The following ACBD6 variants were observed in gnomAD, a reference collection of about 807,000 sequenced individuals.
ACBD6 encodes the protein acyl-CoA binding domain containing 6, also known as acyl-CoA-binding domain-containing protein 6.
A neutral mutation model predicts 37.2 loss-of-function variants in ACBD6; 28 were observed. The ratio of observed to expected loss-of-function variants is 0.75; its 90% CI spans 0.56 to 1.03. The LOEUF (loss-of-function observed/expected upper bound fraction) is 1.03. Among genes scored for constraint, ACBD6 ranks in the 50% least tolerant of loss-of-function variants. The probability of loss-of-function intolerance (pLI) is 0.00; values close to 1 mark genes in which losing one functional copy is unlikely to be tolerated. For missense variants in ACBD6, 340 were observed against 337.4 expected (o/e 1.01, Z -0.06); for synonymous variants, 113 against 126.8 (o/e 0.89, Z 0.73).
chr1:180,405,616 T>C (rs1290884443), intron 5 of ACBD6, among the ~76,000 whole-genome samples: 1 of 152,196 alleles, frequency 6.6e-6, no homozygotes, highest in Non-Finnish European at 1.5e-5. Flanking sequence ...ACATTTAAAT[T>C]ACTTCAAAGA....
At chr1:180,475,030 T>G (rs1316618458) in intron 3 of ACBD6, among the ~76,000 whole-genome samples, 1 of 152,196 alleles carries the variant, frequency 6.6e-6, no homozygotes, top group East Asian at 1.9e-4. Flanking sequence ...TGAATAAATA[T>G]GAAATCAACA....
intron 7 of ACBD6, among the ~76,000 whole-genome samples, chr1:180,292,426 C>T (rs956343431): frequency 1.3e-5 from 2 of 152,092 alleles, no homozygotes; most frequent in Non-Finnish European, 2.9e-5. Flanking sequence ...TTTGAGGCTA[C>T]TGCAAATAAT....
In ACBD6 at chr1:180,288,359, T is replaced by C. The variant is rs757070599; in HGVS notation, c.*4A>G. On this transcript the variant is annotated 3_prime_UTR_variant, in exon 8 of 8. Transcript: ENST00000367595. Reference sequence around the variant, plus strand: ...TTACAGACTGCAGTTTTCCAGTCTTTTGATTAAGCCTTGCCAGTTGTGTGC... The same window carrying C: ...TTACAGACTGCAGTTTTCCAGTCTTCTGATTAAGCCTTGCCAGTTGTGTGC... 4 of 1,613,724 alleles carry C rather than the reference T, an allele frequency of 2.5e-6. No homozygotes were observed. In the East Asian group the frequency reaches 8.9e-5, roughly 36 times the overall value.
chr1:180,374,529 A>T (rs12403665), intron 6 of ACBD6, among the ~76,000 whole-genome samples: 1 of 152,138 alleles, frequency 6.6e-6, no homozygotes, highest in Non-Finnish European at 1.5e-5. Flanking sequence ...CAGAAAAAGA[A>T]GATCAACTGA....
chr1:180,273,167 T>C (rs962455736), intron 12 of ACBD6: 1 of 152,126 alleles, frequency 6.6e-6, no homozygotes. Context: ...CAGGTGGAAA[T>C]AGAAAAGGAA....
At chr1:180,446,700 T>C (rs1254732081) in intron 3 of ACBD6, among the ~76,000 whole-genome samples, 1 of 152,152 alleles carries the variant, frequency 6.6e-6, no homozygotes, top group African/African-American at 2.4e-5. Context: ...CTCTTAAAAT[T>C]ACAAACACAC....
At position 180,288,522 on chromosome 1, in the gene ACBD6, A is replaced by T; in HGVS notation, c.695-5T>A. 6.2e-7 allele frequency: 1 copy of T among 1,611,874 alleles called. No homozygotes were observed. Among genetic ancestry groups the T allele is most frequent in the Non-Finnish European group, 8.5e-7 (1 of 1,179,012 alleles). On this transcript the variant is annotated splice_region_variant and splice_polypyrimidine_tract_variant and intron_variant, in intron 7 of 7. Coordinates refer to ENST00000367595, the MANE Select transcript of ACBD6 (RefSeq NM_032360.4). ...CCAGAAACTCACAGGCAGAGGCTGAAAGGAAAATTGACAAATATGAAAACA... is the reference window on the plus strand; with the variant it reads ...CCAGAAACTCACAGGCAGAGGCTGATAGGAAAATTGACAAATATGAAAACA...
intron 3 of ACBD6, among the ~76,000 whole-genome samples, chr1:180,452,700 C>A (rs199654078): frequency 2.6e-5 from 4 of 152,088 alleles, no homozygotes; most frequent in Non-Finnish European, 4.4e-5. Context: ...AGAGAAGATT[C>A]AATAGACACA....
intron 8 of ACBD6, among the ~76,000 whole-genome samples, chr1:180,282,227 T>A (rs10913959): frequency 0.04 from 6,161 of 152,188 alleles, 403 homozygotes; most frequent in East Asian, 0.29. Flanking sequence ...GAGGCTTTTT[T>A]AAAAAAATTA....
At chr1:180,441,972 G>A (rs1649298143) in intron 3 of ACBD6, among the ~76,000 whole-genome samples, 5 of 151,924 alleles carry the variant, frequency 3.3e-5, no homozygotes, top group Non-Finnish European at 5.9e-5. Flanking sequence ...TCTACCTCTG[G>A]GTTTTTCATA....
intron 3 of ACBD6, among the ~76,000 whole-genome samples, chr1:180,433,621 CAGAG>C (rs780729351): frequency 2.1e-5 from 3 of 143,944 alleles, no homozygotes; most frequent in Non-Finnish European, 4.6e-5. Context: ...TGTGTGTGTA[CAGAG>C]AGAGAGCGAG....
rs1283856268 is a variant in ACBD6, at chr1:180,300,385, T to A, written c.695-11868A>T. Among the ~76,000 whole-genome samples, 4 of 152,180 alleles carry A rather than the reference T, an allele frequency of 2.6e-5. No individual in the cohort carries two copies. The East Asian group carries it at 7.7e-4, about 29-fold the overall frequency. On this transcript the variant is annotated intron_variant, in intron 7 of 7. Transcript: ENST00000367595. ...CCTCTGGCATATAATAGGTGCTTAA[T>A]AAATCATTATTATTATTATTACATG...
At chr1:180,484,713 T>C (rs976759282) in intron 3 of ACBD6, among the ~76,000 whole-genome samples, 1 of 152,214 alleles carries the variant, frequency 6.6e-6, no homozygotes, top group African/African-American at 2.4e-5. Flanking sequence ...ATTCAACATG[T>C]GTATCTACGC....
chr1:180,473,446 CA>C (rs5779059), intron 3 of ACBD6, among the ~76,000 whole-genome samples: 6,813 of 81,496 alleles, frequency 0.084, 315 homozygotes, highest in African/African-American at 0.27. Context: ...GACTCCGTCT[CA>C]AAAAAAAAAA....
chr1:180,493,260 AAAAAAAAAAAAAAAAAAAC>A (rs1325759487), intron 2 of ACBD6, among the ~76,000 whole-genome samples: 2 of 97,878 alleles, frequency 2.0e-5, no homozygotes, highest in Non-Finnish European at 2.3e-5. Flanking sequence ...AAAAAAAAAA[AAAAAAAAAAAAAAAAAAAC>A]AACAACAGCA....
chr1:180,378,834 G>GCCA (rs1349675947), intron 6 of ACBD6, among the ~76,000 whole-genome samples: 3 of 151,958 alleles, frequency 2.0e-5, no homozygotes, highest in South Asian at 2.1e-4. Flanking sequence ...ACCCATCACA[G>GCCA]CCACCACCAC....
At chr1:180,278,756 T>C (rs1649195773) in intron 9 of ACBD6, 1 of 152,036 alleles carries the variant, frequency 6.6e-6, no homozygotes, top group Non-Finnish European at 1.5e-5. Flanking sequence ...CTCTGGATCG[T>C]TGCCCTCATC....
chr1:180,454,830 A>C (rs570523289), intron 3 of ACBD6, among the ~76,000 whole-genome samples: 20 of 152,380 alleles, frequency 1.3e-4, no homozygotes, highest in Admixed American at 3.3e-4. Context: ...ATACCATCTC[A>C]CACCAGTTAG....
chr1:180,440,161 T>A (rs1489099926), intron 3 of ACBD6, among the ~76,000 whole-genome samples: 1 of 152,186 alleles, frequency 6.6e-6, no homozygotes, highest in Non-Finnish European at 1.5e-5. Flanking sequence ...CAGGCTGGAG[T>A]GCAGTGGTGC....
Sources: allele counts gnomAD v4.1 joint callset (sites outside exome capture counted in the v4.1 genomes callset), GRCh38; gene constraint gnomAD v4.1.1; transcripts MANE v1.5; gene names NCBI Gene and HGNC (gene_info 2026-07-23, HGNC 2026-07-21).